The following CHL1 variants were observed in gnomAD, a reference collection of about 807,000 sequenced individuals.
CHL1 encodes the protein cell adhesion molecule L1 like.
A neutral mutation model predicts 141.9 loss-of-function variants in CHL1; 96 were observed. The ratio of observed to expected loss-of-function variants is 0.68; its 90% CI spans 0.57 to 0.80. CHL1 has a LOEUF of 0.80. CHL1 is among the 30% of genes least tolerant of loss of function. The probability of loss-of-function intolerance (pLI) is 0.00; values close to 1 mark genes in which losing one functional copy is unlikely to be tolerated. For missense variants in CHL1, 1,820 were observed against 1,457.2 expected, an observed-to-expected ratio of 1.25 and a Z score of -4.05; for synonymous variants, 613 against 502.2, an observed-to-expected ratio of 1.22 and a Z score of -2.95.
At position 316,751 on chromosome 3, in the gene CHL1, T is replaced by G. The variant is rs138765146; in HGVS notation, c.-94-2932T>G. Among the ~76,000 whole-genome samples, 1,458 of 152,002 alleles carry G rather than the reference T, an allele frequency of 9.6e-3. 22 individuals are homozygous for G. The highest frequency in any genetic ancestry group is 0.033 in the African/African-American group (1,367 of 41,464). ...TGTATGCCTGTATCAAAACATCTCA[T>G]GTACCCTATAAATACTAGATACTCA... On this transcript the variant is annotated intron_variant, in intron 2 of 27. Transcript: ENST00000256509.
At position 383,799 on chromosome 3, in the gene CHL1, T is replaced by A; in HGVS notation, c.2177-17T>A. ...GGGTTAAAAGGAAAAATAATGTTAATGTTTTTAATTTTTCAGCTCCAGATA... is the reference window on the plus strand; with the variant it reads ...GGGTTAAAAGGAAAAATAATGTTAAAGTTTTTAATTTTTCAGCTCCAGATA... On this transcript the variant is annotated splice_polypyrimidine_tract_variant and intron_variant, in intron 18 of 27. Transcript: ENST00000256509. The A allele has an allele frequency of 6.3e-7, 1 of 1,594,552 alleles. No individual in the cohort carries two copies. The highest frequency in any genetic ancestry group is 2.2e-5 in the East Asian group (1 of 44,648).
intron 1 of CHL1, among the ~76,000 whole-genome samples, chr3:216,915 C>T (rs1700370693): frequency 6.6e-6 from 1 of 152,150 alleles, no homozygotes; most frequent in Non-Finnish European, 1.5e-5. Context: ...TCTTCTTTGT[C>T]AATATTTTCA....
In CHL1 at chr3:347,828, C is replaced by G. The variant is rs185011465; in HGVS notation, c.849-1531C>G. Among the ~76,000 whole-genome samples, 77 of 152,340 alleles carry G rather than the reference C, an allele frequency of 5.1e-4. 1 individual carries two copies. The highest frequency in any genetic ancestry group is 1.8e-3 in the African/African-American group (74 of 41,576). ...CCAGGCATCATTACCATTTCCTACACAAGCGTGCCATGTGCTCTTAGCCTG... is the reference window on the plus strand; with the variant it reads ...CCAGGCATCATTACCATTTCCTACAGAAGCGTGCCATGTGCTCTTAGCCTG... On this transcript the variant is annotated intron_variant, in intron 9 of 27. Transcript: ENST00000256509.
intron 2 of CHL1, among the ~76,000 whole-genome samples, chr3:297,741 G>A (rs1355563606): frequency 1.3e-5 from 2 of 152,164 alleles, no homozygotes; most frequent in South Asian, 2.1e-4. Context: ...GATGATCTGA[G>A]CTTAAGCTTT....
intron 1 of CHL1, among the ~76,000 whole-genome samples, chr3:226,508 C>A (rs181925613): frequency 8.6e-4 from 130 of 151,046 alleles, no homozygotes; most frequent in African/African-American, 3.2e-3. Context: ...ATGGCGTGAT[C>A]TGGGGTCACT....
In CHL1 at chr3:333,298, A is replaced by G. The variant is rs57486594; in HGVS notation, c.385+4944A>G. ...ATACTTAGGAGTTTATAAATCAGAG[A>G]CAATTTAAAGCTTCCTACAATCTTT... is the stretch of plus-strand genomic sequence containing the variant. On this transcript the variant is annotated intron_variant, in intron 5 of 27. Coordinates refer to ENST00000256509, the MANE Select transcript of CHL1 (RefSeq NM_006614.4). Among the ~76,000 whole-genome samples the G allele has an allele frequency of 7.1e-3, 1,080 of 151,920 alleles. 9 individuals are homozygous for G. Among genetic ancestry groups the G allele is most frequent in the African/African-American group, 0.025 (1,025 of 41,492 alleles).
chr3:259,229 T>C (rs79202223), intron 2 of CHL1, among the ~76,000 whole-genome samples: 1,822 of 152,168 alleles, frequency 0.012, 32 homozygotes, highest in African/African-American at 0.041. Flanking sequence ...CCTGCAAATG[T>C]CTTTCTAATA....
chr3:233,671 C>T (rs941971019), intron 1 of CHL1, among the ~76,000 whole-genome samples: 2 of 152,096 alleles, frequency 1.3e-5, no homozygotes, highest in African/African-American at 2.4e-5. Flanking sequence ...ATTAAGCTCA[C>T]ATTCTATAAA....
At chr3:280,340 G>C (rs1349273570) in intron 2 of CHL1, among the ~76,000 whole-genome samples, 1 of 151,918 alleles carries the variant, frequency 6.6e-6, no homozygotes, top group Non-Finnish European at 1.5e-5. Context: ...TTCTAACAAA[G>C]TATGTCAAGA....
intron 2 of CHL1, among the ~76,000 whole-genome samples, chr3:297,339 G>A (rs764869936): frequency 6.6e-5 from 10 of 152,176 alleles, no homozygotes; most frequent in African/African-American, 2.2e-4. Context: ...TCAGAAAAGC[G>A]TAATTTGTGG....
chr3:232,188 T>C (rs1701925306), intron 1 of CHL1, among the ~76,000 whole-genome samples: 1 of 152,204 alleles, frequency 6.6e-6, no homozygotes, highest in African/African-American at 2.4e-5. Context: ...CGGAGAATCA[T>C]GATCTCATTC....
chr3:250,858 T>C (rs148761836), intron 2 of CHL1, among the ~76,000 whole-genome samples: 82 of 152,276 alleles, frequency 5.4e-4, no homozygotes, highest in African/African-American at 1.7e-3. Context: ...GTTGTCTAAT[T>C]ATAGGGTGCC....
chr3:229,945 C>G (rs1358229000), intron 1 of CHL1, among the ~76,000 whole-genome samples: 1 of 152,128 alleles, frequency 6.6e-6, no homozygotes, highest in Non-Finnish European at 1.5e-5. Flanking sequence ...AGTCACATCT[C>G]CTTGTCTGTG....
chr3:252,000 T>C (rs1234899741), intron 2 of CHL1, among the ~76,000 whole-genome samples: 4 of 152,024 alleles, frequency 2.6e-5, no homozygotes, highest in African/African-American at 9.7e-5. Context: ...ATCCAAGGAC[T>C]GCAAAATCAA....
chr3:278,165 C>G (rs1696322852), intron 2 of CHL1, among the ~76,000 whole-genome samples: 1 of 152,140 alleles, frequency 6.6e-6, no homozygotes, highest in Non-Finnish European at 1.5e-5. Context: ...GAAATCAGGC[C>G]AGGAAGCAAA....
chr3:326,314 A>G (rs1296959033), intron 4 of CHL1, among the ~76,000 whole-genome samples: 1 of 152,058 alleles, frequency 6.6e-6, no homozygotes, highest in Non-Finnish European at 1.5e-5. Flanking sequence ...TCTTTGGTAC[A>G]GCAGAAATAC....
At position 399,082 on chromosome 3, in the gene CHL1, G is replaced by C. The variant is rs542293532; in HGVS notation, c.3319G>C (p.Ala1107Pro). 3 of 1,601,946 alleles carry C rather than the reference G, an allele frequency of 1.9e-6. No homozygotes were observed. The highest frequency in any genetic ancestry group is 3.3e-5 in the Admixed American group (2 of 60,004). Residue 1107 changes from alanine to proline, a missense_variant, in exon 26 of 28, where the codon GCT becomes CCT. Physicochemically the swap from Ala to Pro is conservative, Grantham distance 27. Coordinates refer to ENST00000256509, the MANE Select transcript of CHL1 (RefSeq NM_006614.4). Reference protein sequence around the residue: ...GWFIGLMCAIALLTLLLLTVC... With the variant: ...GWFIGLMCAIPLLTLLLLTVC... ...GTTTATTGGACTGATGTGTGCGATT[G>C]CTCTTCTCACACTACTATTATTAAC...
chr3:339,785 A>C (rs751646996), intron 5 of CHL1, among the ~76,000 whole-genome samples: 1 of 152,230 alleles, frequency 6.6e-6, no homozygotes, highest in Non-Finnish European at 1.5e-5. Context: ...GAAATTTTAC[A>C]GTAAATGAGT....
chr3:337,595 T>C (rs930779991), intron 5 of CHL1, among the ~76,000 whole-genome samples: 7 of 147,808 alleles, frequency 4.7e-5, no homozygotes, highest in Admixed American at 6.8e-5. Flanking sequence ...CAATTCCCAC[T>C]TATGAGTGAG....
Sources: gnomAD v4.1 joint callset for allele counts (sites outside exome capture counted in the v4.1 genomes callset) on GRCh38, gnomAD v4.1.1 for gene constraint, MANE v1.5 for transcripts, NCBI Gene and HGNC (gene_info 2026-07-23, HGNC 2026-07-21) for gene names.